CADPS: variants seen among roughly 807,000 people sequenced by gnomAD.
CADPS encodes the protein calcium-dependent secretion activator 1.
Under a neutral mutation model 167.3 loss-of-function variants are expected in CADPS, and 57 were observed. The observed-to-expected ratio is 0.34, with a 90% CI of 0.28 to 0.42. The LOEUF is 0.42. Among genes scored for constraint, CADPS ranks in the 20% least tolerant of loss-of-function variants. The pLI is 1.00. For missense variants in CADPS, 1,414 were observed against 1,738.1 expected (o/e 0.81, Z 3.32); for synonymous variants, 676 against 635.3 (o/e 1.06, Z -0.96).
At position 62,662,318 on chromosome 3, in the gene CADPS, G is replaced by A. The variant is rs773854261; in HGVS notation, c.965C>T (p.Ala322Val). 3.1e-6 allele frequency: 5 copies of A among 1,613,396 alleles called. No homozygotes were observed. Among genetic ancestry groups the A allele is most frequent in the Admixed American group, 1.7e-5 (1 of 60,010 alleles). ...DGRLQMADQI[A>V]RERKFPKFVS... ...ACAACCACAATGTTTCCTTACCCTG[G>A]CTATTTGGTCTGCCATTTGTAGACG... Residue 322 changes from alanine (A) to valine (V), a missense_variant, in exon 4 of 30, where the codon GCC (alanine) becomes GTC (valine). This residue lies in a region of CADPS where 522 missense variants were observed against 559.5 expected (regional missense o/e 0.93). Transcript: ENST00000383710.
intron 11 of CADPS, among the ~76,000 whole-genome samples, chr3:62,538,331 A>T (rs2075109433): frequency 6.6e-6 from 1 of 152,088 alleles, no homozygotes; most frequent in Non-Finnish European, 1.5e-5. Flanking sequence ...GCCCAAGGCA[A>T]GTGTCTTAAA....
intron 17 of CADPS, among the ~76,000 whole-genome samples, chr3:62,506,944 C>G (rs976221254): frequency 1.3e-5 from 2 of 152,216 alleles, no homozygotes; most frequent in African/African-American, 2.4e-5. Flanking sequence ...TTAAAGAAGC[C>G]TGTCAGCAGC....
intron 6 of CADPS, among the ~76,000 whole-genome samples, chr3:62,613,083 A>G (rs2061721177): frequency 6.6e-6 from 1 of 152,172 alleles, no homozygotes; most frequent in Admixed American, 6.6e-5. Flanking sequence ...ATCCTGCCTG[A>G]AGACATGGTG....
At chr3:62,400,331 C>T (rs1705445208) in intron 29 of CADPS, among the ~76,000 whole-genome samples, 1 of 152,152 alleles carries the variant, frequency 6.6e-6, no homozygotes, top group African/African-American at 2.4e-5. Flanking sequence ...TCTCAGATTT[C>T]CTTAGGTATC....
intron 8 of CADPS, among the ~76,000 whole-genome samples, chr3:62,582,831 A>AT (rs769044280): frequency 6.6e-6 from 1 of 152,218 alleles, no homozygotes; most frequent in Non-Finnish European, 1.5e-5. Flanking sequence ...GGTAGCCTGA[A>AT]ATATGTTAAT....
intron 8 of CADPS, among the ~76,000 whole-genome samples, chr3:62,573,552 A>C (rs2081691547): frequency 6.6e-6 from 1 of 152,166 alleles, no homozygotes; most frequent in Non-Finnish European, 1.5e-5. Context: ...TACCCCCTTG[A>C]CTTGGCTTCT....
At chr3:62,830,339 T>C (rs926625451) in intron 1 of CADPS, among the ~76,000 whole-genome samples, 2 of 152,134 alleles carry the variant, frequency 1.3e-5, no homozygotes, top group African/African-American at 4.8e-5. Flanking sequence ...TTCTTCAACA[T>C]TAAAGAGAAA....
rs1388603344 is a variant in CADPS, at chr3:62,562,750, TGTGGGA to T, written c.1645-5243_1645-5238del. Among the ~76,000 whole-genome samples, 9 of 152,324 alleles carry T rather than the reference TGTGGGA, an allele frequency of 5.9e-5. No individual in the cohort carries two copies. The South Asian group carries it at 1.9e-3, about 32-fold the overall frequency. On this transcript the variant is annotated intron_variant, in intron 9 of 29. Coordinates refer to ENST00000383710, the MANE Select transcript of CADPS (RefSeq NM_003716.4). ...TTCAACTTTCAGGGCAAGTGGTTTGTGTGGGAGTAACTGCACATCTAGCTGGAAGTA... is the reference window on the plus strand; with the variant it reads ...TTCAACTTTCAGGGCAAGTGGTTTGTGTAACTGCACATCTAGCTGGAAGTA...
intron 28 of CADPS, among the ~76,000 whole-genome samples, chr3:62,409,675 T>C (rs2149213954): frequency 6.6e-6 from 1 of 152,362 alleles, no homozygotes; most frequent in Middle Eastern, 3.4e-3. Flanking sequence ...CAATTGCTAG[T>C]GGAAGAAACT....
At chr3:62,834,502 C>A (rs1321744274) in intron 1 of CADPS, among the ~76,000 whole-genome samples, 1 of 152,042 alleles carries the variant, frequency 6.6e-6, no homozygotes, top group African/African-American at 2.4e-5. Flanking sequence ...TGGATTTAGA[C>A]GTTTGTTAGA....
intron 3 of CADPS, among the ~76,000 whole-genome samples, chr3:62,724,555 G>A (rs1258360509): frequency 6.6e-6 from 1 of 152,140 alleles, no homozygotes; most frequent in Admixed American, 6.5e-5. Context: ...AAGTAGAAAA[G>A]CGGTAGTTTC....
chr3:62,459,596 A>G (rs1254883608), intron 26 of CADPS, among the ~76,000 whole-genome samples: 1 of 152,114 alleles, frequency 6.6e-6, no homozygotes, highest in Admixed American at 6.5e-5. Flanking sequence ...CCCAAATGTC[A>G]TTTCCTTCAA....
At chr3:62,480,823 C>A (rs2061914675) in intron 22 of CADPS, among the ~76,000 whole-genome samples, 1 of 152,162 alleles carries the variant, frequency 6.6e-6, no homozygotes, top group Admixed American at 6.5e-5. Flanking sequence ...CTTATTAAAT[C>A]ATGCACGTGG....
chr3:62,809,716 A>T (rs2094303715), intron 1 of CADPS, among the ~76,000 whole-genome samples: 1 of 152,084 alleles, frequency 6.6e-6, no homozygotes, highest in Non-Finnish European at 1.5e-5. Flanking sequence ...AAGAGGAGGG[A>T]TGAGGTTTGT....
intron 1 of CADPS, among the ~76,000 whole-genome samples, chr3:62,865,614 T>A (rs1252468243): frequency 1.3e-5 from 2 of 152,054 alleles, no homozygotes; most frequent in African/African-American, 4.8e-5. Flanking sequence ...CAAACCTTTT[T>A]CCCACTTGTT....
chr3:62,741,018 G>T (rs1385291065), intron 3 of CADPS, among the ~76,000 whole-genome samples: 1 of 152,064 alleles, frequency 6.6e-6, no homozygotes, highest in East Asian at 1.9e-4. Flanking sequence ...TCTTCAGATT[G>T]TTCCCTGGCA....
In CADPS at chr3:62,690,364, C is replaced by T. The variant is rs1269982143; in HGVS notation, c.889-27970G>A. Among the ~76,000 whole-genome samples the T allele has an allele frequency of 3.9e-5, 6 of 152,092 alleles. No homozygotes were observed. The South Asian group carries it at 8.3e-4, about 21-fold the overall frequency. The stretch of plus-strand genomic sequence containing the variant: ...TGTTTTGTTCTTATGCTGTAGGTCA[C>T]GGAAAATACAGTTGACTTTTCTTAT... On this transcript the variant is annotated intron_variant, in intron 3 of 29. Coordinates refer to ENST00000383710, the MANE Select transcript of CADPS (RefSeq NM_003716.4).
chr3:62,870,286 C>T lies in CADPS; in HGVS notation c.441+4303G>A, dbSNP rs1025897751. 2.0e-5 allele frequency among the ~76,000 whole-genome samples: 3 copies of T among 152,116 alleles called. No individual in the cohort carries two copies. The South Asian group carries it at 6.2e-4, about 32-fold the overall frequency. On this transcript the variant is annotated intron_variant, in intron 1 of 29. Transcript: ENST00000383710. ...TTTTTAGACTGCAAGTCATATATTG[C>T]ACTAACAAAGCAAACCTTAAGAATT... is the stretch of plus-strand genomic sequence containing the variant.
chr3:62,570,876 A>C lies in CADPS; in HGVS notation c.1640T>G (p.Val547Gly). 6.2e-7 allele frequency: 1 copy of C among 1,605,348 alleles called. No individual in the cohort carries two copies. Among genetic ancestry groups the C allele is most frequent in the Non-Finnish European group, 8.5e-7 (1 of 1,171,984 alleles). The part of the protein sequence containing the change: ...KRWKKRFFVL[V>G]QVSQYTFAMC... ...AAGAGTTGAAGAGTTAGTTACCTGC[A>C]CCAATACAAAAAACCTTTTCTTCCA... The change falls in exon 9 of 30, where the codon GTG (valine) becomes GGG (glycine). Residue 547 changes from valine (V) to glycine (G), a missense_variant. This residue lies in a region of CADPS where 157 missense variants were observed against 229.4 expected (regional missense o/e 0.68). Coordinates refer to ENST00000383710, the MANE Select transcript of CADPS (RefSeq NM_003716.4).
Sources: allele counts gnomAD v4.1 joint callset (sites outside exome capture counted in the v4.1 genomes callset), GRCh38; gene constraint gnomAD v4.1.1; regional missense constraint gnomAD v4.1.1; transcripts MANE v1.5; gene names NCBI Gene and HGNC (gene_info 2026-07-23, HGNC 2026-07-21).